CCNJL: variants seen among roughly 807,000 people sequenced by gnomAD.
CCNJL encodes the protein cyclin J like.
In CCNJL, 33 loss-of-function variants were observed where a neutral mutation model predicts 33.4. The ratio of observed to expected loss-of-function variants is 0.99; its 90% CI spans 0.75 to 1.32. The LOEUF (loss-of-function observed/expected upper bound fraction) is 1.32. CCNJL is among the 40% of genes most tolerant of loss of function. The pLI is 0.00. For synonymous variants in CCNJL, 227 were observed against 220.9 expected (o/e 1.03, Z -0.24); for missense variants, 512 against 499.7 (o/e 1.02, Z -0.23).
intron 2 of CCNJL, among the ~76,000 whole-genome samples, chr5:160,291,365 G>A (rs867185112): frequency 1.3e-5 from 2 of 152,136 alleles, no homozygotes; most frequent in African/African-American, 2.4e-5. Context: ...ACAGTTTGGC[G>A]AAACATCGCA....
At chr5:160,264,083 A>G (rs1761467452) in intron 3 of CCNJL, among the ~76,000 whole-genome samples, 1 of 151,650 alleles carries the variant, frequency 6.6e-6, no homozygotes, top group African/African-American at 2.4e-5. Context: ...GTACCTAGGT[A>G]TATAGGCACA....
chr5:160,306,270 CAAAAA>C (rs35956418), intron 2 of CCNJL, among the ~76,000 whole-genome samples: 1 of 68,906 alleles, frequency 1.5e-5, no homozygotes, highest in Non-Finnish European at 3.0e-5. Context: ...GACTCCGTCT[CAAAAA>C]AAAAAAAAAA....
chr5:160,258,274 G>A (rs1761157340), intron 4 of CCNJL: 2 of 714,840 alleles, frequency 2.8e-6, no homozygotes, highest in Non-Finnish European at 5.1e-6. Context: ...GAAGGCTGTT[G>A]CAGCATCAGG....
At position 160,249,329 on chromosome 5, in the gene CCNJL, T is replaced by C. The variant is rs1760746612; in HGVS notation, c.*4049A>G. 1.3e-5 allele frequency: 2 copies of C among 152,232 alleles called. No individual in the cohort carries two copies. Among genetic ancestry groups the C allele is most frequent in the Admixed American group, 1.3e-4 (2 of 15,278 alleles). 9.4% of individuals were successfully genotyped at this position (152,232 alleles called of 1,614,324 possible). ...AATAATTTTAAAAGGTGGAAAAAGT[T>C]CTATTATGTTGACATGCTTAAATAT... is the stretch of plus-strand genomic sequence containing the variant. On this transcript the variant is annotated 3_prime_UTR_variant, in exon 6 of 6. Coordinates refer to ENST00000257536, the MANE Select transcript of CCNJL (RefSeq NM_001308173.3).
intron 3 of CCNJL, among the ~76,000 whole-genome samples, chr5:160,280,012 A>G (rs1308935818): frequency 6.6e-6 from 1 of 152,264 alleles, no homozygotes; most frequent in Non-Finnish European, 1.5e-5. Context: ...GGCTGTGCCC[A>G]GGCCTGGTGA....
upstream of CCNJL, among the ~76,000 whole-genome samples, chr5:160,316,691 T>C (rs567358598): frequency 6.9e-4 from 105 of 152,350 alleles, no homozygotes; most frequent in Non-Finnish European, 1.3e-3. Flanking sequence ...TTTCTCCTTT[T>C]ACATGAAAGG....
chr5:160,278,807 C>A (rs946731481), intron 3 of CCNJL, among the ~76,000 whole-genome samples: 8 of 152,338 alleles, frequency 5.3e-5, no homozygotes, highest in South Asian at 2.1e-4. Flanking sequence ...AAGGCCGTGG[C>A]GCAAATTTCT....
intron 2 of CCNJL, among the ~76,000 whole-genome samples, chr5:160,311,136 C>T (rs1053124603): frequency 6.6e-6 from 1 of 152,152 alleles, no homozygotes; most frequent in Admixed American, 6.5e-5. Flanking sequence ...CTTCCCAATG[C>T]CCCTCAGCCC....
Position 160,255,530 on chromosome 5 carries a change from A to G in CCNJL, c.743+19T>C. 6.2e-7 allele frequency: 1 copy of G among 1,613,046 alleles called. No homozygotes were observed. The highest frequency in any genetic ancestry group is 8.5e-7 in the Non-Finnish European group (1 of 1,179,152). Reference sequence around the variant, plus strand: ...AACCTCACTATTTCAGAAACACAGGATTCAGGGGAGAAACTTACACCAGCA... The same window carrying G: ...AACCTCACTATTTCAGAAACACAGGGTTCAGGGGAGAAACTTACACCAGCA... On this transcript the variant is annotated intron_variant, in intron 5 of 5. Transcript: ENST00000257536.
At chr5:160,296,706 C>T (rs992308700) in intron 2 of CCNJL, among the ~76,000 whole-genome samples, 1 of 152,170 alleles carries the variant, frequency 6.6e-6, no homozygotes, top group Non-Finnish European at 1.5e-5. Context: ...CACAACTGAC[C>T]AGGCTGCCCC....
At position 160,255,637 on chromosome 5, in the gene CCNJL, G is replaced by A. The variant is rs368669768; in HGVS notation, c.655C>T (p.Gln219Ter). 31 of 1,613,958 alleles carry A rather than the reference G, an allele frequency of 1.9e-5. No individual in the cohort carries two copies. The highest frequency in any genetic ancestry group is 2.5e-5 in the Non-Finnish European group (30 of 1,179,932). The part of the protein sequence containing the change: ...ACVGASRICL[Q>*]LSPYWTRDLQ... The stretch of plus-strand genomic sequence containing the variant: ...TCTCTGGTCCAGTAGGGAGAAAGCT[G>A]CAGGCAAATCCTGGAGGCCCCAACA... Residue 219 changes from glutamine to a stop codon, truncating the protein, a stop_gained, in exon 5 of 6, where the codon CAG becomes TAG. Transcript: ENST00000257536. LOFTEE classifies it high-confidence loss of function.
chr5:160,296,529 A>G (rs1762756112), intron 2 of CCNJL, among the ~76,000 whole-genome samples: 1 of 152,204 alleles, frequency 6.6e-6, no homozygotes, highest in Admixed American at 6.5e-5. Context: ...GGCGACTGCA[A>G]TAACTGTAAT....
At chr5:160,259,414 C>A (rs1483203537) in intron 4 of CCNJL, 55 bp downstream of exon 4, 4 of 1,546,542 alleles carry the variant, frequency 2.6e-6, no homozygotes, top group Non-Finnish European at 3.5e-6. Flanking sequence ...CTGACCCCGA[C>A]CCCTGGGTGG....
At chr5:160,298,025 C>T (rs907398473) in intron 2 of CCNJL, among the ~76,000 whole-genome samples, 1 of 152,160 alleles carries the variant, frequency 6.6e-6, no homozygotes, top group Admixed American at 6.5e-5. Flanking sequence ...CATTGCAAGT[C>T]CTCTGCTCTA....
chr5:160,294,099 G>A (rs1762673501), intron 2 of CCNJL, among the ~76,000 whole-genome samples: 1 of 152,160 alleles, frequency 6.6e-6, no homozygotes, highest in African/African-American at 2.4e-5. Flanking sequence ...ACAGGAAGTG[G>A]AGACTTGCAA....
intron 1 of CCNJL, among the ~76,000 whole-genome samples, chr5:160,327,726 G>A (rs1763554682): frequency 6.6e-6 from 1 of 152,198 alleles, no homozygotes; most frequent in Non-Finnish European, 1.5e-5. Flanking sequence ...AGTAAGGAGA[G>A]ACGCTAGTAA....
intron 1 of CCNJL, among the ~76,000 whole-genome samples, chr5:160,320,849 CCT>C (rs1491150750): frequency 2.4e-4 from 15 of 63,328 alleles, no homozygotes; most frequent in African/African-American, 6.8e-4. Flanking sequence ...TTCTTTCTTT[CCT>C]TCTTTCTTTC....
At chr5:160,316,115 A>C (rs1388884885), upstream of CCNJL, among the ~76,000 whole-genome samples, 1 of 151,306 alleles carries the variant, frequency 6.6e-6, no homozygotes. Context: ...TGAAGAGTAA[A>C]TATACATTGC....
At chr5:160,311,549 G>A (rs1433835839) in intron 2 of CCNJL, among the ~76,000 whole-genome samples, 1 of 152,104 alleles carries the variant, frequency 6.6e-6, no homozygotes, top group Non-Finnish European at 1.5e-5. Context: ...CTTCACGTAC[G>A]GTTTAAAATA....
Sources: gnomAD v4.1 joint callset for allele counts (sites outside exome capture counted in the v4.1 genomes callset) on GRCh38, gnomAD v4.1.1 for gene constraint, MANE v1.5 for transcripts, NCBI Gene and HGNC (gene_info 2026-07-23, HGNC 2026-07-21) for gene names.